Variants in ERGIC3 observed in about 807,000 individuals in gnomAD.
The protein encoded by ERGIC3 is endoplasmic reticulum-Golgi intermediate compartment protein 3.
Under a neutral mutation model 54.7 loss-of-function variants are expected in ERGIC3, and 33 were observed. That is an observed-to-expected ratio of 0.60 (90% CI 0.46 to 0.81). ERGIC3 has a LOEUF of 0.81. ERGIC3 is among the 30% of genes least tolerant of loss of function. ERGIC3 has a pLI of 0.00. For missense variants in ERGIC3, 399 were observed against 488.4 expected (o/e 0.82, Z 1.73); for synonymous variants, 186 against 189.8 (o/e 0.98, Z 0.16).
intron 10 of ERGIC3, 144 bp from the exon 11 acceptor site, chr20:35,556,829 A>G: frequency 8.8e-7 from 1 of 1,133,472 alleles, no homozygotes; most frequent in Non-Finnish European, 1.3e-6. Context: ...CAGGCCTTGC[A>G]GTGCAGGCCA....
At chr20:35,550,834 T>C (rs1381776086) in intron 7 of ERGIC3, among the ~76,000 whole-genome samples, 2 of 152,148 alleles carry the variant, frequency 1.3e-5, no homozygotes, top group African/African-American at 4.8e-5. Context: ...TAGGAGGCAG[T>C]TGCAGTGATC....
At chr20:35,547,663 G>A (rs1024175993) in intron 5 of ERGIC3, among the ~76,000 whole-genome samples, 158 bp downstream of exon 5, 1 of 152,174 alleles carries the variant, frequency 6.6e-6, no homozygotes, top group African/African-American at 2.4e-5. Context: ...AGCGACTGAG[G>A]CTTTGTAACC....
In ERGIC3 at chr20:35,556,959, C is replaced by G; in HGVS notation, c.880-14C>G. 1 of 1,613,984 alleles carries G rather than the reference C, an allele frequency of 6.2e-7. No individual in the cohort carries two copies. Among genetic ancestry groups the G allele is most frequent in the Non-Finnish European group, 8.5e-7 (1 of 1,179,956 alleles). On this transcript the variant is annotated splice_polypyrimidine_tract_variant and intron_variant, in intron 10 of 12. Coordinates refer to ENST00000348547, the MANE Select transcript of ERGIC3 (RefSeq NM_015966.3). ...CTAGCCCTAGCCCTGGCCCAGGCTC[C>G]CCTCCCACCCCAGGTACTGAGGACA...
intron 10 of ERGIC3, 98 bp from the exon 11 acceptor site, chr20:35,556,875 A>G: frequency 6.4e-7 from 1 of 1,550,884 alleles, no homozygotes; most frequent in African/African-American, 1.4e-5. Context: ...TACACGGCCA[A>G]GGCTCAACAG....
Position 35,557,013 on chromosome 20 carries a change from AG to A in ERGIC3, c.922del (p.Val308LeufsTer23). 1 of 1,614,234 alleles carries A rather than the reference AG, an allele frequency of 6.2e-7. No homozygotes were observed. Among genetic ancestry groups the A allele is most frequent in the Non-Finnish European group, 8.5e-7 (1 of 1,180,040 alleles). On this transcript the variant is annotated frameshift_variant, in exon 11 of 13. Transcript: ENST00000348547. LOFTEE classifies it high-confidence loss of function. ...TNQFSVTRHEKVANGLLGDQG... is the reference protein window; with the variant it reads ...TNQFSVTRHEXVANGLLGDQG... ...CAGTTCTCTGTGACCAGACATGAGAAGGTTGCCAATGGGCTGTTGGGCGACC... is the reference window on the plus strand; with the variant it reads ...CAGTTCTCTGTGACCAGACATGAGAAGTTGCCAATGGGCTGTTGGGCGACC...
rs983491031 is a variant in ERGIC3 at position 35,556,739 on chromosome 20, G to A, written c.880-234G>A. 4.8e-5 allele frequency: 29 copies of A among 607,682 alleles called. 1 individual carries two copies. Among genetic ancestry groups the A allele is most frequent in the South Asian group, 2.0e-4 (10 of 50,650 alleles). The allele number at this position is 607,682 out of a possible 1,614,324, so 37.6% of individuals were successfully genotyped here. On this transcript the variant is annotated intron_variant, in intron 10 of 12. Transcript: ENST00000348547. ...CCCGTGAGAACACCCACCAAATGCT[G>A]CCAGGATAGGTAAACTGTAAAGACT...
At chr20:35,547,138 T>C (rs1009119971) in intron 4 of ERGIC3, 23 of 315,118 alleles carry the variant, frequency 7.3e-5, no homozygotes, top group African/African-American at 1.3e-4. Flanking sequence ...AAAGAGTCAT[T>C]GTGGGGATGA....
chr20:35,549,256 G>A (rs2098542046), intron 7 of ERGIC3: 1 of 472,070 alleles, frequency 2.1e-6, no homozygotes, highest in Non-Finnish European at 4.4e-6. Context: ...GATGACCTGT[G>A]CATGAGGCTT....
chr20:35,550,814 A>T (rs1440431212), intron 7 of ERGIC3, among the ~76,000 whole-genome samples: 1 of 152,182 alleles, frequency 6.6e-6, no homozygotes, highest in Non-Finnish European at 1.5e-5. Flanking sequence ...ACAGAATCAG[A>T]GAGGCCCATT....
rs1391956067 is a variant in ERGIC3 at position 35,542,500 on chromosome 20, A to G, written c.160-13A>G. 1.9e-6 allele frequency: 3 copies of G among 1,613,960 alleles called. No individual in the cohort carries two copies. The highest frequency in any genetic ancestry group is 2.2e-5 in the East Asian group (1 of 44,874). Reference sequence around the variant, plus strand: ...GTTTGGGGCTAAGTCTTACTGAGGTAGCGCTGCCCCAGGTGCATCCTGAGC... The same window carrying G: ...GTTTGGGGCTAAGTCTTACTGAGGTGGCGCTGCCCCAGGTGCATCCTGAGC... On this transcript the variant is annotated splice_polypyrimidine_tract_variant and intron_variant, in intron 2 of 12. Transcript: ENST00000348547.
intron 7 of ERGIC3, chr20:35,554,272 G>A (rs2064699168): frequency 1.4e-6 from 2 of 1,472,962 alleles, no homozygotes; most frequent in South Asian, 2.3e-5. Flanking sequence ...TGCTGAGGCT[G>A]AATGTTCCAG....
At chr20:35,544,145 C>T (rs1281217305) in intron 4 of ERGIC3, 1 of 188,594 alleles carries the variant, frequency 5.3e-6, no homozygotes, top group African/African-American at 2.4e-5. Flanking sequence ...ACCTCCGCCT[C>T]CCAGGTTCAA....
intron 4 of ERGIC3, 34 bp downstream of exon 4, chr20:35,542,975 A>T (rs1393782550): frequency 6.2e-7 from 1 of 1,612,742 alleles, no homozygotes; most frequent in East Asian, 2.2e-5. Context: ...CTCAGATCCC[A>T]AAGCTGGATG....
intron 8 of ERGIC3, among the ~76,000 whole-genome samples, chr20:35,555,448 C>T (rs1469738202): frequency 1.3e-5 from 2 of 152,152 alleles, no homozygotes; most frequent in Non-Finnish European, 2.9e-5. Context: ...CTCATGAGAA[C>T]AGTGGAAAGC....
At chr20:35,554,266 G>A in intron 7 of ERGIC3, 1 of 1,438,086 alleles carries the variant, frequency 7.0e-7, no homozygotes, top group Non-Finnish European at 9.8e-7. Context: ...CTGTGTTGCT[G>A]AGGCTGAATG....
At chr20:35,554,677 G>C (rs986260987) in intron 7 of ERGIC3, among the ~76,000 whole-genome samples, 5 of 152,212 alleles carry the variant, frequency 3.3e-5, no homozygotes, top group Non-Finnish European at 7.3e-5. Flanking sequence ...GGCATTCTCA[G>C]ATCCCACCTC....
chr20:35,542,575 A>G lies in ERGIC3; in HGVS notation c.222A>G (p.Val74=), dbSNP rs770702595. The part of the protein sequence containing the change: ...RGDKLKINID[V]LFPHMPCAYL... ...ATAAACTGAAGATCAACATCGATGT[A>G]CTTTTTCCGCACATGCCTTGTGCCT... The change falls in exon 3 of 13, where the codon GTA becomes GTG. Residue 74 remains valine, a synonymous_variant. Coordinates refer to ENST00000348547, the MANE Select transcript of ERGIC3 (RefSeq NM_015966.3). 2 of 1,613,966 alleles carry G rather than the reference A, an allele frequency of 1.2e-6. No homozygotes were observed. Among genetic ancestry groups the G allele is most frequent in the Non-Finnish European group, 1.7e-6 (2 of 1,180,010 alleles).
chr20:35,543,181 T>C, intron 4 of ERGIC3: 1 of 460,838 alleles, frequency 2.2e-6, no homozygotes, highest in South Asian at 2.0e-5. Context: ...TACCTGCAGA[T>C]GGTAGTTTGA....
chr20:35,556,527 C>T, intron 10 of ERGIC3: 5 of 544,732 alleles, frequency 9.2e-6, no homozygotes, highest in Non-Finnish European at 1.6e-5. Context: ...GTCTGCCTGC[C>T]TCACTGTTCT....
Sources: gnomAD v4.1 joint callset for allele counts (sites outside exome capture counted in the v4.1 genomes callset) on GRCh38, gnomAD v4.1.1 for gene constraint, MANE v1.5 for transcripts, NCBI Gene and HGNC (gene_info 2026-07-23, HGNC 2026-07-21) for gene names.